Variants in TNRC6A observed in about 807,000 individuals in gnomAD.
The protein encoded by TNRC6A is trinucleotide repeat-containing gene 6A protein.
In TNRC6A, 44 loss-of-function variants were observed where a neutral mutation model predicts 221.2. The observed-to-expected ratio is 0.20, with a 90% confidence interval of 0.16 to 0.26. The LOEUF (loss-of-function observed/expected upper bound fraction) is 0.26. Among genes scored for constraint, TNRC6A ranks in the 10% least tolerant of loss-of-function variants. The pLI is 1.00. For synonymous variants in TNRC6A, 847 were observed against 838.5 expected (o/e 1.01, Z -0.18); for missense variants, 2,199 against 2,404.4 (o/e 0.91, Z 1.79).
At chr16:24,797,672 A>C in intron 10 of TNRC6A, 102 bp downstream of exon 10, 2 of 1,077,340 alleles carry the variant, frequency 1.9e-6, no homozygotes, top group Non-Finnish European at 2.6e-6. Flanking sequence ...TCGAGTCCTT[A>C]GGAATGTACT....
chr16:24,805,186 T>C, intron 14 of TNRC6A, 35 bp downstream of exon 14: 1 of 1,605,284 alleles, frequency 6.2e-7, no homozygotes. Context: ...CCTGTTTACC[T>C]GCAAAAAGGA....
rs377184259 is a variant in TNRC6A at position 24,806,653 on chromosome 16, C to T, written c.4409C>T (p.Thr1470Ile). 31 of 1,614,112 alleles carry T rather than the reference C, an allele frequency of 1.9e-5. No homozygotes were observed. Among genetic ancestry groups the T allele is most frequent in the Non-Finnish European group, 2.5e-5 (29 of 1,180,060 alleles). The change falls in exon 17 of 25, where the codon ACT becomes ATT. Residue 1470 changes from threonine to isoleucine, a missense_variant. By Grantham distance (89) the Thr-to-Ile change is moderately conservative. Around this residue, in one of 8 missense-constraint regions of TNRC6A, gnomAD observed 449 missense variants for 579.7 expected, o/e 0.77. Coordinates refer to ENST00000395799, the MANE Select transcript of TNRC6A (RefSeq NM_014494.4). ...LDPNLLVKQQ[T>I]PPSQQQPLHQ... ...CCAAACCTGTTGGTGAAGCAGCAGA[C>T]TCCACCATCTCAGCAGCAGCCACTC...
At chr16:24,812,060 T>TTTTTTTTTG in intron 18 of TNRC6A, among the ~76,000 whole-genome samples, 1 of 58,926 alleles carries the variant, frequency 1.7e-5, no homozygotes, top group Non-Finnish European at 3.5e-5. Context: ...TTTTTTTTTT[T>TTTTTTTTTG]TTTTTTGAGA....
intron 2 of TNRC6A, among the ~76,000 whole-genome samples, chr16:24,652,534 C>T (rs1902732071): frequency 6.6e-6 from 1 of 152,196 alleles, no homozygotes; most frequent in Non-Finnish European, 1.5e-5. Flanking sequence ...CACCGATTGG[C>T]ATCCAACCCA....
chr16:24,758,388 C>G (rs1216059587), intron 4 of TNRC6A, 28 bp downstream of exon 4: 2 of 1,606,932 alleles, frequency 1.2e-6, no homozygotes. Flanking sequence ...ATTTTTTATC[C>G]CTTTTTTCAT....
chr16:24,793,742 T>A, intron 7 of TNRC6A, 93 bp downstream of exon 7: 3 of 1,025,600 alleles, frequency 2.9e-6, no homozygotes, highest in Non-Finnish European at 3.8e-6. Flanking sequence ...TCTATGTTAT[T>A]TATAATATAT....
intron 9 of TNRC6A, 162 bp downstream of exon 9, chr16:24,796,101 G>A (rs973369638): frequency 1.5e-6 from 1 of 671,930 alleles, no homozygotes; most frequent in African/African-American, 1.8e-5. Flanking sequence ...GGAGCTCACA[G>A]TCTAGTATGG....
In TNRC6A at chr16:24,686,148, C is replaced by T. The variant is rs556651548; in HGVS notation, n.402+45139C>T. On this transcript the variant is annotated intron_variant and non_coding_transcript_variant, in intron 2 of 2. Transcript: ENST00000566108. ...TCCCCTGTGTCTGGAAGGGCCTCTC[C>T]GGTCTCCATGGCAACGCGATTTCCT... 2.6e-5 allele frequency among the ~76,000 whole-genome samples: 4 copies of T among 152,246 alleles called. No individual in the cohort carries two copies. The South Asian group carries it at 6.2e-4, about 24-fold the overall frequency.
chr16:24,631,783 A>C (rs1274428763), intron 1 of TNRC6A, among the ~76,000 whole-genome samples: 1 of 146,802 alleles, frequency 6.8e-6, no homozygotes, highest in Non-Finnish European at 1.5e-5. Context: ...AAAAAAAAAA[A>C]CAACAAAAAA....
At chr16:24,777,776 G>T (rs1248717842) in intron 5 of TNRC6A, among the ~76,000 whole-genome samples, 1 of 152,074 alleles carries the variant, frequency 6.6e-6, no homozygotes, top group Non-Finnish European at 1.5e-5. Context: ...TAAATAACTT[G>T]CCCAGGCTCA....
At position 24,791,450 on chromosome 16, in the gene TNRC6A, T is replaced by G. The variant is rs1343745015; in HGVS notation, c.2808T>G (p.Asp936Glu). The G allele has an allele frequency of 1.3e-6, 2 of 1,532,434 alleles. No homozygotes were observed. Among genetic ancestry groups the G allele is most frequent in the Non-Finnish European group, 1.7e-6 (2 of 1,143,068 alleles). 94.9% of individuals were successfully genotyped at this position (1,532,434 alleles called of 1,614,324 possible). Reference protein sequence around the residue: ...PKSNQSLGWGDSSKPVSSPDW... With the variant: ...PKSNQSLGWGESSKPVSSPDW... ...CTAATCAGTCTCTAGGTTGGGGAGA[T>G]TCGTCAAAGCCAGTCAGCTCTCCAG... Residue 936 changes from aspartate (D) to glutamate (E), a missense_variant, in exon 6 of 25, where the codon GAT becomes GAG. Around this residue, in one of 8 missense-constraint regions of TNRC6A, gnomAD observed 1,405 missense variants for 1,400.2 expected, o/e 1.00. Coordinates refer to ENST00000395799, the MANE Select transcript of TNRC6A (RefSeq NM_014494.4).
Position 24,793,483 on chromosome 16 carries a change from G to T in TNRC6A, c.3186G>T (p.Glu1062Asp), listed in dbSNP as rs1471164268. 1 of 1,488,416 alleles carries T rather than the reference G, an allele frequency of 6.7e-7. No homozygotes were observed. Among genetic ancestry groups the T allele is most frequent in the Admixed American group, 2.1e-5 (1 of 47,986 alleles). The allele number at this position is 1,488,416 out of a possible 1,614,324, so 92.2% of individuals were successfully genotyped here. The change falls in exon 7 of 25, where the codon GAG becomes GAT. Residue 1062 changes from glutamate (E) to aspartate (D), a missense_variant. By Grantham distance (45) the Glu-to-Asp change is conservative. Around this residue, in one of 8 missense-constraint regions of TNRC6A, gnomAD observed 1,405 missense variants for 1,400.2 expected, o/e 1.00. Coordinates refer to ENST00000395799, the MANE Select transcript of TNRC6A (RefSeq NM_014494.4). Reference protein sequence around the residue: ...KEASSGSGWGEPWGEPSTPAT... With the variant: ...KEASSGSGWGDPWGEPSTPAT... The stretch of plus-strand genomic sequence containing the variant: ...CCACACTTTCTAAAGGCTGGGGTGA[G>T]CCCTGGGGGGAGCCTTCTACTCCAG...
At chr16:24,748,617 A>G (rs140886700) in intron 2 of TNRC6A, among the ~76,000 whole-genome samples, 217 of 152,136 alleles carry the variant, frequency 1.4e-3, no homozygotes, top group Middle Eastern at 3.4e-3. Flanking sequence ...GTTTTTATCA[A>G]TTGTGCATAA....
chr16:24,649,294 T>TTTTTG (rs199726399), intron 2 of TNRC6A, among the ~76,000 whole-genome samples: 2,075 of 152,022 alleles, frequency 0.014, 57 homozygotes, highest in East Asian at 0.064. Context: ...TTTTCTTTGT[T>TTTTTG]TTTTGTTTTG....
rs749539505 is a variant in TNRC6A, at chr16:24,791,737, G to A, written c.3095G>A (p.Arg1032His). ...AAAAACGTCCCAAATGGCAACAGCC[G>A]TTCAGACCAGCAAGCACAGGTACAT... is the stretch of plus-strand genomic sequence containing the variant. ...WNKNVPNGNS[R>H]SDQQAQVHQL... The change falls in exon 6 of 25, where the codon CGT (arginine) becomes CAT (histidine). Residue 1032 changes from arginine to histidine, a missense_variant. Physicochemically the swap from Arg to His is conservative, Grantham distance 29. Transcript: ENST00000395799. The A allele has an allele frequency of 2.0e-5, 32 of 1,612,158 alleles. No individual in the cohort carries two copies. The highest frequency in any genetic ancestry group is 3.3e-5 in the South Asian group (3 of 90,652).
chr16:24,760,755 A>T (rs2151514618), intron 4 of TNRC6A, among the ~76,000 whole-genome samples: 1 of 152,262 alleles, frequency 6.6e-6, no homozygotes, highest in South Asian at 2.1e-4. Flanking sequence ...ATAATTTTAG[A>T]TTTACAAAAA....
At chr16:24,646,905 T>C (rs1160389981) in intron 2 of TNRC6A, among the ~76,000 whole-genome samples, 1 of 152,192 alleles carries the variant, frequency 6.6e-6, no homozygotes, top group African/African-American at 2.4e-5. Context: ...ATTATTCACT[T>C]TCTGTAAAAT....
At chr16:24,760,973 G>A (rs914448569) in intron 4 of TNRC6A, among the ~76,000 whole-genome samples, 3 of 152,120 alleles carry the variant, frequency 2.0e-5, no homozygotes, top group Admixed American at 1.3e-4. Context: ...CCCAGTTTCT[G>A]GTTTCTGCAG....
chr16:24,765,397 C>T lies in TNRC6A; in HGVS notation c.163+7037C>T, dbSNP rs1596649572. Among the ~76,000 whole-genome samples the T allele has an allele frequency of 2.6e-5, 4 of 152,162 alleles. No homozygotes were observed. In the South Asian group the frequency reaches 8.3e-4, roughly 32 times the overall value. ...AATCCCAGAGAGTCAAGTCTAGTCA[C>T]CCCATCTCCCCATAGCCTGTTTCCA... is the stretch of plus-strand genomic sequence containing the variant. On this transcript the variant is annotated intron_variant, in intron 4 of 24. Coordinates refer to ENST00000395799, the MANE Select transcript of TNRC6A (RefSeq NM_014494.4).
Sources: allele counts gnomAD v4.1 joint callset (sites outside exome capture counted in the v4.1 genomes callset), GRCh38; gene constraint gnomAD v4.1.1; regional missense constraint gnomAD v4.1.1; transcripts MANE v1.5; gene names NCBI Gene and HGNC (gene_info 2026-07-23, HGNC 2026-07-21).